Variants in EPB41L5 observed in about 807,000 individuals in gnomAD.
The protein encoded by EPB41L5 is erythrocyte membrane protein band 4.1 like 5.
A neutral mutation model predicts 106.6 loss-of-function variants in EPB41L5; 55 were observed. The observed-to-expected ratio is 0.52, with a 90% confidence interval of 0.42 to 0.65. EPB41L5 has a LOEUF of 0.65. Among genes scored for constraint, EPB41L5 ranks in the 30% least tolerant of loss-of-function variants. EPB41L5 has a pLI of 0.00. For missense variants in EPB41L5, 871 were observed against 882.1 expected, an observed-to-expected ratio of 0.99 and a Z score of 0.16; for synonymous variants, 297 against 306.7, an observed-to-expected ratio of 0.97 and a Z score of 0.33.
intron 3 of EPB41L5, among the ~76,000 whole-genome samples, chr2:120,054,026 C>G (rs1680462073): frequency 6.6e-6 from 1 of 152,218 alleles, no homozygotes; most frequent in African/African-American, 2.4e-5. Flanking sequence ...TCCCTACCAG[C>G]AGTGTATGAG....
intron 18 of EPB41L5, among the ~76,000 whole-genome samples, chr2:120,135,209 GAAGA>G (rs1475997119): frequency 6.6e-6 from 1 of 152,040 alleles, no homozygotes; most frequent in Non-Finnish European, 1.5e-5. Context: ...TGATCAAGCA[GAAGA>G]AAGAATTAGT....
At chr2:120,171,957 T>C (rs764089250) in intron 24 of EPB41L5, among the ~76,000 whole-genome samples, 2 of 151,538 alleles carry the variant, frequency 1.3e-5, no homozygotes, top group Non-Finnish European at 2.9e-5. Context: ...AAAATCATAG[T>C]ATCTGAATTT....
chr2:120,162,599 T>A (rs929691829), intron 21 of EPB41L5, among the ~76,000 whole-genome samples: 3 of 152,254 alleles, frequency 2.0e-5, no homozygotes, highest in Admixed American at 1.3e-4. Context: ...ATACATTGAC[T>A]AATCATTGGA....
rs1017942543 is a variant in EPB41L5, at chr2:120,130,752, G to C, written c.1502-866G>C. ...TGAGCCCTGGGAATGAGCGTTTCTT[G>C]AAAGCTCTCCAGCTGATTGTTAACG... On this transcript the variant is annotated intron_variant, in intron 17 of 24. Coordinates refer to ENST00000263713, the MANE Select transcript of EPB41L5 (RefSeq NM_020909.4). Among the ~76,000 whole-genome samples the C allele has an allele frequency of 1.7e-4, 26 of 152,338 alleles. 1 individual carries two copies. Among genetic ancestry groups the C allele is most frequent in the Admixed American group, 1.7e-3 (26 of 15,298 alleles).
intron 16 of EPB41L5, chr2:120,106,044 A>G: frequency 1.0e-6 from 1 of 984,956 alleles, no homozygotes; most frequent in Non-Finnish European, 1.2e-6. Flanking sequence ...ATATCTTAGC[A>G]GATTGTAATT....
intron 13 of EPB41L5, 55 bp downstream of exon 13, chr2:120,091,716 C>T: frequency 7.3e-7 from 1 of 1,377,774 alleles, no homozygotes; most frequent in South Asian, 1.2e-5. Context: ...TAATTATGTG[C>T]TGGTGTTGTT....
chr2:120,056,718 G>A (rs1343681164), intron 3 of EPB41L5, among the ~76,000 whole-genome samples: 2 of 150,578 alleles, frequency 1.3e-5, no homozygotes, highest in Non-Finnish European at 1.5e-5. Context: ...TCTTGTAGAC[G>A]AGGTGGGAAA....
At chr2:120,035,251 C>A (rs1175409006) in intron 2 of EPB41L5, among the ~76,000 whole-genome samples, 1 of 152,058 alleles carries the variant, frequency 6.6e-6, no homozygotes, top group African/African-American at 2.4e-5. Flanking sequence ...TAAGATTCTT[C>A]TAAAAAAATT....
intron 18 of EPB41L5, among the ~76,000 whole-genome samples, chr2:120,133,226 A>T (rs544018583): frequency 8.9e-4 from 136 of 152,172 alleles, no homozygotes; most frequent in Admixed American, 1.1e-3. Context: ...CCCTCCAGTG[A>T]TCATCCCCCT....
intron 14 of EPB41L5, among the ~76,000 whole-genome samples, chr2:120,094,369 A>G (rs561610454): frequency 6.6e-6 from 1 of 150,954 alleles, no homozygotes; most frequent in African/African-American, 2.4e-5. Context: ...TGTGGTATCT[A>G]GTTTGTGGGG....
intron 18 of EPB41L5, among the ~76,000 whole-genome samples, chr2:120,139,925 T>A (rs1429720311): frequency 1.3e-5 from 2 of 152,000 alleles, no homozygotes. Flanking sequence ...TAAATATCTA[T>A]CAACAGATGA....
At chr2:120,068,008 A>G (rs1353736380) in intron 3 of EPB41L5, among the ~76,000 whole-genome samples, 2 of 152,214 alleles carry the variant, frequency 1.3e-5, no homozygotes, top group Non-Finnish European at 2.9e-5. Flanking sequence ...GAATAGGAAC[A>G]GCTCCGGTCT....
intron 22 of EPB41L5, among the ~76,000 whole-genome samples, chr2:120,165,297 A>G (rs907364659): frequency 1.3e-5 from 2 of 152,236 alleles, no homozygotes; most frequent in Non-Finnish European, 2.9e-5. Context: ...TGTATTAAGT[A>G]TAGTTGTCCC....
intron 16 of EPB41L5, among the ~76,000 whole-genome samples, 197 bp downstream of exon 16, chr2:120,101,011 A>C (rs554528592): frequency 1.3e-5 from 2 of 152,236 alleles, no homozygotes; most frequent in African/African-American, 4.8e-5. Context: ...GCAGTTGTCT[A>C]AATGAAGACC....
chr2:120,120,012 A>G (rs929351357), intron 16 of EPB41L5, among the ~76,000 whole-genome samples: 15 of 152,212 alleles, frequency 9.9e-5, no homozygotes, highest in African/African-American at 3.4e-4. Context: ...GATTCCATCT[A>G]CATGACTATT....
chr2:120,165,676 T>C (rs1399019433), intron 22 of EPB41L5, among the ~76,000 whole-genome samples: 1 of 152,036 alleles, frequency 6.6e-6, no homozygotes, highest in Non-Finnish European at 1.5e-5. Flanking sequence ...GAGATAGAAA[T>C]GACTAACTTT....
chr2:120,143,247 T>TA, intron 19 of EPB41L5, 116 bp downstream of exon 19: 1 of 1,193,368 alleles, frequency 8.4e-7, no homozygotes, highest in Non-Finnish European at 1.1e-6. Context: ...GTCAGGGAGT[T>TA]AAAAAATAAG....
chr2:120,130,143 CA>C (rs11379919), intron 17 of EPB41L5, among the ~76,000 whole-genome samples: 199 of 110,524 alleles, frequency 1.8e-3, no homozygotes, highest in Admixed American at 2.7e-3. Flanking sequence ...GACTCCATCT[CA>C]AAAAAAAAAA....
At chr2:120,092,440 TTC>T (rs1445209253) in intron 13 of EPB41L5, among the ~76,000 whole-genome samples, 1 of 152,232 alleles carries the variant, frequency 6.6e-6, no homozygotes, top group Non-Finnish European at 1.5e-5. Flanking sequence ...ACATAGACAT[TTC>T]CTAATTCATA....
Sources: gnomAD v4.1 joint callset for allele counts (sites outside exome capture counted in the v4.1 genomes callset) on GRCh38, gnomAD v4.1.1 for gene constraint, MANE v1.5 for transcripts, NCBI Gene and HGNC (gene_info 2026-07-23, HGNC 2026-07-21) for gene names.